C2orf78: variants seen among roughly 807,000 people sequenced by gnomAD.
C2orf78 encodes the protein uncharacterized protein C2orf78.
A neutral mutation model predicts 21.4 loss-of-function variants in C2orf78; 12 were observed. The ratio of observed to expected loss-of-function variants is 0.56; its 90% CI spans 0.36 to 0.91. The LOEUF is 0.91. Ranked by LOEUF, C2orf78 falls within the 40% of genes least tolerant of loss-of-function variation. C2orf78 has a pLI of 0.01. For synonymous variants in C2orf78, 396 were observed against 413.9 expected, an observed-to-expected ratio of 0.96 and a Z score of 0.52; for missense variants, 1,042 against 1,092.4, an observed-to-expected ratio of 0.95 and a Z score of 0.65.
chr2:73,808,130 T>G (rs1262052645), intron 1 of C2orf78, among the ~76,000 whole-genome samples: 2 of 150,942 alleles, frequency 1.3e-5, no homozygotes, highest in Non-Finnish European at 2.9e-5. Flanking sequence ...GGCAGGCGCC[T>G]GTAGTCCCAG....
chr2:73,816,955 A>T, exon 3 of C2orf78: 1 of 1,611,088 alleles, frequency 6.2e-7, no homozygotes, highest in East Asian at 2.2e-5. Flanking sequence ...AGGGAAAGAG[A>T]TATGGAAATT....
chr2:73,816,265 G>T (rs751103911), exon 3 of C2orf78: 2 of 1,613,880 alleles, frequency 1.2e-6, no homozygotes, highest in Admixed American at 3.3e-5. Context: ...CAACATGAGG[G>T]TAAAGGCCCG....
chr2:73,784,601 A>G (rs1299671721), intron 1 of C2orf78, among the ~76,000 whole-genome samples, 195 bp downstream of exon 1: 1 of 151,420 alleles, frequency 6.6e-6, no homozygotes, highest in Admixed American at 6.6e-5. Flanking sequence ...TTCTCTCACA[A>G]AATCTGTTTC....
intron 1 of C2orf78, among the ~76,000 whole-genome samples, chr2:73,813,254 T>C (rs950283141): frequency 6.6e-6 from 1 of 152,198 alleles, no homozygotes; most frequent in Non-Finnish European, 1.5e-5. Flanking sequence ...CATTTGGGTC[T>C]TCATATCTGT....
At chr2:73,816,573 G>A (rs1673205168) in exon 3 of C2orf78, 1 of 1,613,522 alleles carries the variant, frequency 6.2e-7, no homozygotes, top group Non-Finnish European at 8.5e-7. Flanking sequence ...TGCCACACCA[G>A]CTCAGCCAAT....
At chr2:73,816,005 C>G in exon 3 of C2orf78, 1 of 1,613,920 alleles carries the variant, frequency 6.2e-7, no homozygotes, top group Non-Finnish European at 8.5e-7. Context: ...GGAAAAAAGT[C>G]AAGGTAGAAG....
chr2:73,810,038 G>A (rs1673046488), intron 1 of C2orf78, among the ~76,000 whole-genome samples: 2 of 151,910 alleles, frequency 1.3e-5, no homozygotes, highest in Admixed American at 6.6e-5. Context: ...AAGGACAACA[G>A]AGTGAAATCT....
In C2orf78 at chr2:73,785,827, A is replaced by G. The variant is rs972293883; in HGVS notation, c.97+1421A>G. Among the ~76,000 whole-genome samples, 23 of 152,032 alleles carry G rather than the reference A, an allele frequency of 1.5e-4. 1 individual carries two copies. The East Asian group carries it at 1.5e-3, about 10-fold the overall frequency. On this transcript the variant is annotated intron_variant, in intron 1 of 2. Transcript: ENST00000409561. ...TTTGGGAGGCCGAGGTGGGCTGATCACCTGAGGTCAGGAGTGTGAGACAAG... is the reference window on the plus strand; with the variant it reads ...TTTGGGAGGCCGAGGTGGGCTGATCGCCTGAGGTCAGGAGTGTGAGACAAG...
chr2:73,785,979 A>G (rs969429995), intron 1 of C2orf78, among the ~76,000 whole-genome samples: 1 of 151,852 alleles, frequency 6.6e-6, no homozygotes, highest in African/African-American at 2.4e-5. Context: ...CCGAGAGGCA[A>G]AGGTTGTGGT....
intron 1 of C2orf78, among the ~76,000 whole-genome samples, chr2:73,809,382 G>A (rs1004709567): frequency 1.3e-5 from 2 of 151,862 alleles, no homozygotes; most frequent in African/African-American, 4.8e-5. Flanking sequence ...ATTCAGCCAG[G>A]CACGGTGGCT....
rs367613891 is a variant in C2orf78, at chr2:73,814,221, T to C, written c.842T>C (p.Val281Ala). Residue 281 changes from valine to alanine, a missense_variant, in exon 2 of 3, where the codon GTT (valine) becomes GCT (alanine). Coordinates refer to ENST00000409561, the Ensembl canonical transcript of C2orf78. ...TCTCAACCCATCACAGAAACCAGTG[T>C]TCAAGGTGAGTACAAACATCAAGAA... The C allele has an allele frequency of 2.3e-4, 360 of 1,569,892 alleles. 3 individuals are homozygous for C. In the South Asian group the frequency reaches 3.1e-3, roughly 14 times the overall value.
intron 1 of C2orf78, chr2:73,808,594 C>T (rs1297063226): frequency 1.3e-5 from 2 of 150,590 alleles, no homozygotes; most frequent in Non-Finnish European, 3.0e-5. Flanking sequence ...TTCCTACCAC[C>T]TCTGCCAGCC....
chr2:73,815,008 A>C (rs191288034), intron 2 of C2orf78, 63 bp from the exon 3 acceptor site: 590 of 1,480,268 alleles, frequency 4.0e-4, no homozygotes, highest in Non-Finnish European at 4.9e-4. Context: ...CGATTGCTGC[A>C]CTGGTGTGTA....
At position 73,815,058 on chromosome 2, in the gene C2orf78, G is replaced by A; in HGVS notation, c.848-13G>A. ...CTTACCAGGGACTGACTTCTTCCTT[G>A]ATTCCTTTGTAGTGATGGAAACTTC... On this transcript the variant is annotated splice_polypyrimidine_tract_variant and intron_variant, in intron 2 of 2. Coordinates refer to ENST00000409561, the Ensembl canonical transcript of C2orf78. 3 of 1,595,172 alleles carry A rather than the reference G, an allele frequency of 1.9e-6. No homozygotes were observed. The highest frequency in any genetic ancestry group is 2.6e-6 in the Non-Finnish European group (3 of 1,170,320).
At chr2:73,811,642 T>A (rs1461153521) in intron 1 of C2orf78, among the ~76,000 whole-genome samples, 1 of 152,198 alleles carries the variant, frequency 6.6e-6, no homozygotes, top group East Asian at 1.9e-4. Flanking sequence ...CATATCAATC[T>A]AAGCCAAATT....
chr2:73,815,388 C>A, exon 3 of C2orf78: 2 of 1,613,976 alleles, frequency 1.2e-6, no homozygotes, highest in Non-Finnish European at 1.7e-6. Flanking sequence ...TCCACTACTT[C>A]CTGTAGAAAT....
chr2:73,814,878 C>T (rs1434582278), intron 2 of C2orf78, among the ~76,000 whole-genome samples, 193 bp from the exon 3 acceptor site: 2 of 152,198 alleles, frequency 1.3e-5, no homozygotes, highest in East Asian at 3.8e-4. Context: ...AACCAAGAAA[C>T]AATCACATCA....
intron 1 of C2orf78, among the ~76,000 whole-genome samples, chr2:73,811,575 G>A (rs572396983): frequency 6.6e-6 from 1 of 152,262 alleles, no homozygotes; most frequent in South Asian, 2.1e-4. Flanking sequence ...ATAATGGACT[G>A]CTTTTAGACC....
At chr2:73,785,301 CAAACAAACAAACAAA>C (rs1314071819) in intron 1 of C2orf78, among the ~76,000 whole-genome samples, 2,107 of 129,654 alleles carry the variant, frequency 0.016, 65 homozygotes, top group African/African-American at 0.058. Context: ...AACAAACAAA[CAAACAAACAAACAAA>C]AAAGAAAAGT....
Sources: allele counts gnomAD v4.1 joint callset (sites outside exome capture counted in the v4.1 genomes callset), GRCh38; gene constraint gnomAD v4.1.1; transcripts MANE v1.5; gene names NCBI Gene and HGNC (gene_info 2026-07-23, HGNC 2026-07-21).